ZNF488: variants seen among roughly 807,000 people sequenced by gnomAD.
ZNF488 encodes zinc finger protein 488.
A neutral mutation model predicts 1.2 loss-of-function variants in ZNF488; 1 was observed. The observed-to-expected ratio is 0.86, with a 90% CI of 0.30 to 4.07. The LOEUF is 4.07. ZNF488 is among the 30% of genes most tolerant of loss of function. The pLI, the probability that ZNF488 is intolerant of heterozygous loss-of-function variation, is 0.18. For missense variants in ZNF488, 450 were observed against 437.9 expected (o/e 1.03, Z -0.25); for synonymous variants, 185 against 190.1 (o/e 0.97, Z 0.22).
At chr10:47,375,615 C>G (rs532066038) in intron 1 of ZNF488, among the ~76,000 whole-genome samples, 2 of 152,184 alleles carry the variant, frequency 1.3e-5, no homozygotes, top group Non-Finnish European at 2.9e-5. Flanking sequence ...TTCTAGTATT[C>G]CGAAACTATT....
Position 47,368,439 on chromosome 10 carries a change from C to T in ZNF488, c.391G>A (p.Ala131Thr). ...EHDDPTGQPG[A>T]PQLTQNIPRG... ...GGGATGTTCTGGGTCAGCTGTGGGG[C>T]ACCAGGTTGGCCTGTGGGGTCATCG... Residue 131 changes from alanine (A) to threonine (T), a missense_variant, in exon 2 of 2, where the codon GCC becomes ACC. Coordinates refer to ENST00000585316, the MANE Select transcript of ZNF488 (RefSeq NM_153034.4). 6.2e-7 allele frequency: 1 copy of T among 1,614,108 alleles called. No homozygotes were observed.
rs189489682 is a variant in ZNF488, at chr10:47,374,028, T to C, written c.-108-5091A>G. Among the ~76,000 whole-genome samples, 5 of 152,322 alleles carry C rather than the reference T, an allele frequency of 3.3e-5. No individual in the cohort carries two copies. In the East Asian group the frequency reaches 9.6e-4, roughly 29 times the overall value. On this transcript the variant is annotated intron_variant, in intron 1 of 1. Coordinates refer to ENST00000585316, the MANE Select transcript of ZNF488 (RefSeq NM_153034.4). ...CAAAATAACAAGGAAAGCTTGCTGGTTAAGACTGAGAAACAGCGTGGGGTG... is the reference window on the plus strand; with the variant it reads ...CAAAATAACAAGGAAAGCTTGCTGGCTAAGACTGAGAAACAGCGTGGGGTG...
chr10:47,381,670 T>C (rs1316488232), intron 1 of ZNF488, among the ~76,000 whole-genome samples: 2 of 36,316 alleles, frequency 5.5e-5, no homozygotes, highest in African/African-American at 3.5e-4. Context: ...ACACAGCCAG[T>C]ACCCATGGAA....
intron 1 of ZNF488, among the ~76,000 whole-genome samples, chr10:47,377,516 ACT>A (rs1837720464): frequency 6.6e-6 from 1 of 151,682 alleles, no homozygotes; most frequent in African/African-American, 2.4e-5. Flanking sequence ...TACCTCCAGG[ACT>A]CTCTCACAGA....
In ZNF488 at chr10:47,368,136, T is replaced by G. The variant is rs782596702; in HGVS notation, c.694A>C (p.Thr232Pro). 1.9e-6 allele frequency: 3 copies of G among 1,614,100 alleles called. No individual in the cohort carries two copies. Among genetic ancestry groups the G allele is most frequent in the Non-Finnish European group, 2.5e-6 (3 of 1,180,018 alleles). The change falls in exon 2 of 2, where the codon ACT becomes CCT. Residue 232 changes from threonine to proline, a missense_variant. Transcript: ENST00000585316. ...CACAGTGTAGGGGCACCCAGAAAAG[T>G]GCTACAGAGTGGAGCATTCTGTGGC... ...ALPQNAPLCS[T>P]FLGAPTLWLE...
intron 1 of ZNF488, among the ~76,000 whole-genome samples, chr10:47,376,446 A>G (rs1052472470): frequency 5.3e-5 from 8 of 152,288 alleles, no homozygotes; most frequent in African/African-American, 7.2e-5. Context: ...GTCAGACCCA[A>G]TTGTGAAATT....
At chr10:47,378,290 T>A (rs781898313) in intron 1 of ZNF488, among the ~76,000 whole-genome samples, 33 of 152,310 alleles carry the variant, frequency 2.2e-4, no homozygotes, top group Non-Finnish European at 3.7e-4. Context: ...ACTGACCACA[T>A]GTAAAGGTGG....
chr10:47,383,859 G>A (rs373342379), intron 1 of ZNF488, among the ~76,000 whole-genome samples: 171 of 152,166 alleles, frequency 1.1e-3, no homozygotes, highest in African/African-American at 4.0e-3. Context: ...TTCATAGGCA[G>A]AATTCTTGAG....
chr10:47,383,791 G>A, intron 1 of ZNF488, among the ~76,000 whole-genome samples: 1 of 152,158 alleles, frequency 6.6e-6, no homozygotes, highest in East Asian at 1.9e-4. Context: ...TAAACCCCGG[G>A]AGAGACAGTG....
At position 47,368,240 on chromosome 10, in the gene ZNF488, T is replaced by C. The variant is rs534357677; in HGVS notation, c.590A>G (p.Asn197Ser). ...ACCCCAACAAGCGAGGTCTGTAGTGTTGAGGAGTCCAGACAGCTCCCCCAG... is the reference window on the plus strand; with the variant it reads ...ACCCCAACAAGCGAGGTCTGTAGTGCTGAGGAGTCCAGACAGCTCCCCCAG... ...DALGELSGLLNTTDLACWGRL... is the reference protein window; with the variant it reads ...DALGELSGLLSTTDLACWGRL... Residue 197 changes from asparagine to serine, a missense_variant, in exon 2 of 2, where the codon AAC becomes AGC. Physicochemically the swap from Asn to Ser is conservative, Grantham distance 46. Transcript: ENST00000585316. 6 of 1,614,198 alleles carry C rather than the reference T, an allele frequency of 3.7e-6. No homozygotes were observed. The highest frequency in any genetic ancestry group is 1.3e-5 in the African/African-American group (1 of 75,048).
In ZNF488 at chr10:47,368,653, C is replaced by T. The variant is rs1555213338; in HGVS notation, c.177G>A (p.Glu59=). ...LLEKTNRLGP[E]AAVGRAGRDV... Reference sequence around the variant, plus strand: ...CCCGGCCCGCCCTGCCCACAGCAGCCTCAGGGCCCAGGCGGTTCGTCTTCT... The same window carrying T: ...CCCGGCCCGCCCTGCCCACAGCAGCTTCAGGGCCCAGGCGGTTCGTCTTCT... Residue 59 remains glutamate (E), a synonymous_variant, in exon 2 of 2, where the codon GAG becomes GAA. Coordinates refer to ENST00000585316, the MANE Select transcript of ZNF488 (RefSeq NM_153034.4). 1.9e-6 allele frequency: 3 copies of T among 1,611,722 alleles called. No homozygotes were observed. The highest frequency in any genetic ancestry group is 1.7e-6 in the Non-Finnish European group (2 of 1,179,970).
chr10:47,371,614 A>G (rs1269960729), intron 1 of ZNF488, among the ~76,000 whole-genome samples: 2 of 151,836 alleles, frequency 1.3e-5, no homozygotes, highest in Non-Finnish European at 2.9e-5. Context: ...TTATTTTAGC[A>G]TTTTGTTTTG....
chr10:47,374,778 G>A (rs1180322733), intron 1 of ZNF488, among the ~76,000 whole-genome samples: 1 of 152,298 alleles, frequency 6.6e-6, no homozygotes, highest in Non-Finnish European at 1.5e-5. Flanking sequence ...CCCTGCCACC[G>A]TGAGTGACAG....
rs1837464852 is a variant in ZNF488, at chr10:47,371,492, T to C, written c.-108-2555A>G. 3.9e-5 allele frequency among the ~76,000 whole-genome samples: 6 copies of C among 152,194 alleles called. No homozygotes were observed. The South Asian group carries it at 1.2e-3, about 31-fold the overall frequency. On this transcript the variant is annotated intron_variant, in intron 1 of 1. Coordinates refer to ENST00000585316, the MANE Select transcript of ZNF488 (RefSeq NM_153034.4). ...GTATACATAGTATGTATACATAATATACCATATAATACACTATATATGTAA... is the reference window on the plus strand; with the variant it reads ...GTATACATAGTATGTATACATAATACACCATATAATACACTATATATGTAA...
At chr10:47,370,916 G>T (rs995614195) in intron 1 of ZNF488, among the ~76,000 whole-genome samples, 1 of 152,162 alleles carries the variant, frequency 6.6e-6, no homozygotes, top group Non-Finnish European at 1.5e-5. Flanking sequence ...CGTTCATTCC[G>T]CAAGCATTCA....
intron 1 of ZNF488, among the ~76,000 whole-genome samples, chr10:47,381,397 G>A (rs1837949084): frequency 1.3e-5 from 2 of 152,300 alleles, no homozygotes; most frequent in South Asian, 4.1e-4. Context: ...ATCATCTACG[G>A]GCCTTTTCTG....
At chr10:47,379,915 G>C (rs1902717) in intron 1 of ZNF488, among the ~76,000 whole-genome samples, 150,509 of 152,304 alleles carry the variant, frequency 0.99, 74,376 homozygotes, top group Middle Eastern at 1. Context: ...CCCACGCTAC[G>C]TGGCTCCTGC....
At chr10:47,373,844 T>C (rs1837570345) in intron 1 of ZNF488, among the ~76,000 whole-genome samples, 1 of 152,212 alleles carries the variant, frequency 6.6e-6, no homozygotes, top group Non-Finnish European at 1.5e-5. Context: ...GCAGGCAGCA[T>C]GGCGAGGAAG....
intron 1 of ZNF488, 92 bp from the exon 2 acceptor site, chr10:47,369,029 T>C: frequency 3.3e-6 from 2 of 605,852 alleles, no homozygotes; most frequent in Non-Finnish European, 5.6e-6. Context: ...ACCCTGATGC[T>C]CAGGCCTCCT....
Sources: allele counts gnomAD v4.1 joint callset (sites outside exome capture counted in the v4.1 genomes callset), GRCh38; gene constraint gnomAD v4.1.1; transcripts MANE v1.5; gene names NCBI Gene and HGNC (gene_info 2026-07-23, HGNC 2026-07-21).